Variants in FGFR2 observed in about 807,000 individuals in gnomAD.
FGFR2 encodes BEK fibroblast growth factor receptor.
In FGFR2, 19 loss-of-function variants were observed where a neutral mutation model predicts 95.9. That is an observed-to-expected ratio of 0.20 (90% CI 0.14 to 0.29). FGFR2 has a LOEUF of 0.29. Ranked by LOEUF, FGFR2 falls within the 10% of genes least tolerant of loss-of-function variation. The pLI is 1.00. For missense variants in FGFR2, 707 were observed against 1,056.9 expected (o/e 0.67, Z 4.59); for synonymous variants, 392 against 393.3 (o/e 1.00, Z 0.04).
At chr10:121,560,263 G>A (rs533868068) in intron 4 of FGFR2, among the ~76,000 whole-genome samples, 5 of 152,264 alleles carry the variant, frequency 3.3e-5, no homozygotes, top group Admixed American at 6.5e-5. Flanking sequence ...CACAGAGCCT[G>A]TCTAGTGCAG....
At chr10:121,504,261 T>C (rs912517012) in intron 9 of FGFR2, among the ~76,000 whole-genome samples, 4 of 152,166 alleles carry the variant, frequency 2.6e-5, no homozygotes, top group Admixed American at 6.5e-5. Context: ...GACAGTCCTC[T>C]CTGGCTTCAT....
At chr10:121,482,950 C>A (rs1564849337) in intron 17 of FGFR2, among the ~76,000 whole-genome samples, 1 of 152,178 alleles carries the variant, frequency 6.6e-6, no homozygotes, top group African/African-American at 2.4e-5. Context: ...GCACATACCA[C>A]CACATCCAAC....
chr10:121,496,802 A>T, intron 12 of FGFR2, 80 bp from the exon 13 acceptor site: 36 of 1,168,778 alleles, frequency 3.1e-5, no homozygotes, highest in Non-Finnish European at 4.5e-5. Flanking sequence ...ATTTTTAGTT[A>T]TTACAACCCA....
chr10:121,513,995 C>A (rs909189180), intron 9 of FGFR2, among the ~76,000 whole-genome samples: 2 of 152,092 alleles, frequency 1.3e-5, no homozygotes, highest in South Asian at 2.1e-4. Flanking sequence ...CCGGGAGAGG[C>A]ATGCCTGGAA....
At chr10:121,532,869 C>A (rs1852278832) in intron 6 of FGFR2, among the ~76,000 whole-genome samples, 1 of 152,172 alleles carries the variant, frequency 6.6e-6, no homozygotes, top group Non-Finnish European at 1.5e-5. Context: ...CGCTTTCAGG[C>A]TGTGTCCTAT....
rs2133945131 is a variant in FGFR2, at chr10:121,496,715, G to C, written c.1680C>G (p.Leu560=). The part of the protein sequence containing the change: ...LLGACTQDGP[L]YVIVEYASKG... Reference sequence around the variant, plus strand: ...TAGAGGCATACTCAACTATGACATAGAGAGGCCCTGTTGAGGAAGAAGAGA... The same window carrying C: ...TAGAGGCATACTCAACTATGACATACAGAGGCCCTGTTGAGGAAGAAGAGA... The change falls in exon 13 of 18, where the codon CTC becomes CTG. Residue 560 remains leucine (L), a synonymous_variant. Coordinates refer to ENST00000358487, the MANE Select transcript of FGFR2 (RefSeq NM_000141.5). 1.2e-6 allele frequency: 2 copies of C among 1,612,004 alleles called. No homozygotes were observed. Among genetic ancestry groups the C allele is most frequent in the Non-Finnish European group, 1.7e-6 (2 of 1,179,976 alleles).
chr10:121,549,443 C>T (rs796123987), intron 5 of FGFR2, among the ~76,000 whole-genome samples: 49 of 152,260 alleles, frequency 3.2e-4, no homozygotes, highest in Non-Finnish European at 4.4e-4. Context: ...AGCTAAAGAG[C>T]GTCTTCTATT....
In FGFR2 at chr10:121,488,110, T is replaced by C. The variant is rs775697900; in HGVS notation, c.1867A>G (p.Ile623Val). The C allele has an allele frequency of 1.2e-6, 2 of 1,614,062 alleles. No individual in the cohort carries two copies. Among genetic ancestry groups the C allele is most frequent in the South Asian group, 1.1e-5 (1 of 91,088 alleles). ...TTTCTGGCTGCTAAATCTCGATGAA[T>C]ACACTGAAATCAAGAAAGAAGCAAG... is the stretch of plus-strand genomic sequence containing the variant. ...GMEYLASQKC[I>V]HRDLAARNVL... The change falls in exon 14 of 18, where the codon ATT (isoleucine) becomes GTT (valine). Residue 623 changes from isoleucine (I) to valine (V), a missense_variant. Physicochemically the swap from Ile to Val is conservative, Grantham distance 29. Around this residue, in one of 7 missense-constraint regions of FGFR2, gnomAD observed 104 missense variants for 214.2 expected, o/e 0.49. Transcript: ENST00000358487.
intron 17 of FGFR2, among the ~76,000 whole-genome samples, chr10:121,481,550 C>G (rs1187207593): frequency 6.6e-6 from 1 of 152,172 alleles, no homozygotes; most frequent in African/African-American, 2.4e-5. Flanking sequence ...ACGCCCACCA[C>G]ATCAAAAGAG....
intron 13 of FGFR2, among the ~76,000 whole-genome samples, chr10:121,493,090 T>C (rs1169982680): frequency 6.6e-6 from 1 of 152,164 alleles, no homozygotes; most frequent in Non-Finnish European, 1.5e-5. Context: ...AAACCATTCA[T>C]GCTGCTTCCT....
At chr10:121,581,761 T>TAAAAA (rs55911512) in intron 2 of FGFR2, among the ~76,000 whole-genome samples, 3 of 62,554 alleles carry the variant, frequency 4.8e-5, no homozygotes, top group Admixed American at 1.9e-4. Context: ...ACCCTGCATT[T>TAAAAA]AAAAAAAAAA....
chr10:121,501,004 G>A (rs1460122674), intron 10 of FGFR2, 57 bp from the exon 11 acceptor site: 12 of 1,607,232 alleles, frequency 7.5e-6, no homozygotes, highest in Middle Eastern at 1.6e-4. Context: ...TGTAGTGAGG[G>A]AAATTCCAGA....
intron 1 of FGFR2, among the ~76,000 whole-genome samples, chr10:121,595,999 C>T (rs1031091727): frequency 1.3e-5 from 2 of 152,204 alleles, no homozygotes; most frequent in East Asian, 3.9e-4. Flanking sequence ...AAGTATGGTG[C>T]GACCTCCTAG....
intron 10 of FGFR2, among the ~76,000 whole-genome samples, chr10:121,503,508 C>T (rs1207000948): frequency 2.0e-5 from 3 of 152,124 alleles, no homozygotes; most frequent in East Asian, 1.9e-4. Context: ...TTCCATTTGA[C>T]GGAGTCTGAA....
chr10:121,480,374 G>C, intron 17 of FGFR2: 1 of 415,822 alleles, frequency 2.4e-6, no homozygotes, highest in South Asian at 2.4e-5. Context: ...AGGCAACTCG[G>C]CTTCACACGG....
rs936142598 is a variant in FGFR2, at chr10:121,485,242, T to A, written c.2195+153A>T. On this transcript the variant is annotated intron_variant, in intron 16 of 17. Transcript: ENST00000358487. The surrounding 1 kb of genome is among the most constrained non-coding windows in gnomAD (Gnocchi z 4.2). ...TAATGGTTGTCGGTGTCGCTATGTA[T>A]CCCAGCTCTGGATTGAGCCCAGAGA... 6.6e-6 allele frequency among the ~76,000 whole-genome samples: 1 copy of A among 151,964 alleles called. No homozygotes were observed. The highest frequency in any genetic ancestry group is 1.5e-5 in the Non-Finnish European group (1 of 68,000).
At chr10:121,480,395 C>CCA in intron 17 of FGFR2, 1 of 397,640 alleles carries the variant, frequency 2.5e-6, no homozygotes, top group South Asian at 2.7e-5. Context: ...ACCTAAATAA[C>CCA]CCGCTGAGTC....
chr10:121,566,766 G>A lies in FGFR2; in HGVS notation c.110-1062C>T, dbSNP rs569139098. ...GACACCAAGACCCTAGAGAAAAGGCGTGGGTCTCATGGTTCTCTGTGCTTC... is the reference window on the plus strand; with the variant it reads ...GACACCAAGACCCTAGAGAAAAGGCATGGGTCTCATGGTTCTCTGTGCTTC... On this transcript the variant is annotated intron_variant, in intron 2 of 17. Coordinates refer to ENST00000358487, the MANE Select transcript of FGFR2 (RefSeq NM_000141.5). Among the ~76,000 whole-genome samples the A allele has an allele frequency of 1.1e-4, 16 of 152,086 alleles. No individual in the cohort carries two copies. In the South Asian group the frequency reaches 2.1e-3, roughly 20 times the overall value.
chr10:121,597,654 G>A (rs1281414725), intron 1 of FGFR2, among the ~76,000 whole-genome samples: 1 of 152,262 alleles, frequency 6.6e-6, no homozygotes, highest in Non-Finnish European at 1.5e-5. Context: ...TGGGGTCGGA[G>A]AAACGCGCCC....
Sources: gnomAD v4.1 joint callset for allele counts (sites outside exome capture counted in the v4.1 genomes callset) on GRCh38, gnomAD v4.1.1 for gene constraint, gnomAD v4.1.1 regional missense constraint, Gnocchi (gnomAD v3.1) non-coding constraint, MANE v1.5 for transcripts, NCBI Gene and HGNC (gene_info 2026-07-23, HGNC 2026-07-21) for gene names.